PCDHB8: variants seen among roughly 807,000 people sequenced by gnomAD.
PCDHB8 encodes protocadherin beta-8.
For synonymous variants in PCDHB8, 385 were observed against 448.5 expected (o/e 0.86, Z 1.79); for missense variants, 836 against 1,004.0 (o/e 0.83, Z 2.26).
Position 141,180,076 on chromosome 5 carries a change from A to G in PCDHB8, c.2042A>G (p.Gln681Arg), listed in dbSNP as rs782736535. 2.5e-6 allele frequency: 4 copies of G among 1,609,778 alleles called. No individual in the cohort carries two copies. Among genetic ancestry groups the G allele is most frequent in the African/African-American group, 2.7e-5 (2 of 74,814 alleles). Residue 681 changes from glutamine (Q) to arginine (R), a missense_variant, in exon 1 of 1, where the codon CAG becomes CGG. Coordinates refer to ENST00000239444, the MANE Select transcript of PCDHB8 (RefSeq NM_019120.5). ...YLPLPEAAPAQGQADSLTVYL... is the reference protein window; with the variant it reads ...YLPLPEAAPARGQADSLTVYL... ...CCGCTTCCGGAGGCTGCCCCAGCCC[A>G]GGGCCAGGCCGACTCTCTCACCGTC...
rs139746961 is a variant in PCDHB8, at chr5:141,178,046, C to T, written c.12C>T (p.Ser4=). 4,666 of 1,612,668 alleles carry T rather than the reference C, an allele frequency of 2.9e-3. 53 individuals carry two copies. The highest frequency in any genetic ancestry group is 0.019 in the South Asian group (1,771 of 90,856). ...ATTCAGCAAGAACAATGGAGGCCAG[C>T]GGGAAGCTCATTTGCAGACAAAGGC... The part of the protein sequence containing the change: MEA[S]GKLICRQRQV... The change falls in exon 1 of 1, where the codon AGC becomes AGT. Residue 4 remains serine (S), a synonymous_variant. Transcript: ENST00000239444.
rs534081801 is a variant in PCDHB8, at chr5:141,178,782, G to T, written c.748G>T (p.Val250Leu). 5.0e-6 allele frequency: 8 copies of T among 1,614,034 alleles called. No homozygotes were observed. In the African/African-American group the frequency reaches 1.1e-4, roughly 22 times the overall value. The part of the protein sequence containing the change: ...APEFEQPFYR[V>L]QISEDSPISF... ...TGAATTTGAGCAGCCTTTCTATAGGGTGCAGATCTCTGAGGACAGTCCAAT... is the reference window on the plus strand; with the variant it reads ...TGAATTTGAGCAGCCTTTCTATAGGTTGCAGATCTCTGAGGACAGTCCAAT... The change falls in exon 1 of 1, where the codon GTG becomes TTG. Residue 250 changes from valine to leucine, a missense_variant. Val to Leu is a conservative substitution (Grantham distance 32, BLOSUM62 1). Transcript: ENST00000239444.
rs782376191 is a variant in PCDHB8 at position 141,178,557 on chromosome 5, C to T, written c.523C>T (p.Pro175Ser). ...QNNIENYIIS[P>S]NSYFRVLTRK... ...CAATATTGAGAACTATATAATCAGC[C>T]CCAACTCCTATTTTCGGGTCCTCAC... The change falls in exon 1 of 1, where the codon CCC becomes TCC. Residue 175 changes from proline to serine, a missense_variant. Physicochemically the swap from Pro to Ser is moderately conservative, Grantham distance 74 (BLOSUM62 -1). Transcript: ENST00000239444. 1 of 1,613,952 alleles carries T rather than the reference C, an allele frequency of 6.2e-7. No homozygotes were observed. Among genetic ancestry groups the T allele is most frequent in the African/African-American group, 1.3e-5 (1 of 74,858 alleles).
chr5:141,179,514 C>T lies in PCDHB8; in HGVS notation c.1480C>T (p.Pro494Ser), dbSNP rs782555772. The T allele has an allele frequency of 1.2e-6, 2 of 1,613,650 alleles. No individual in the cohort carries two copies. The highest frequency in any genetic ancestry group is 2.2e-5 in the East Asian group (1 of 44,870). Residue 494 changes from proline to serine, a missense_variant, in exon 1 of 1, where the codon CCC (proline) becomes TCC (serine). Pro to Ser is a moderately conservative substitution (Grantham distance 74). Transcript: ENST00000239444. Reference protein sequence around the residue: ...NAQVTYSLLPPQDPHLPLASL... With the variant: ...NAQVTYSLLPSQDPHLPLASL... ...CCAGGTCACCTACTCGCTGCTGCCG[C>T]CCCAGGATCCGCACCTGCCCCTCGC...
chr5:141,180,116 G>T lies in PCDHB8; in HGVS notation c.2082G>T (p.Ala694=). 1 of 1,610,888 alleles carries T rather than the reference G, an allele frequency of 6.2e-7. No homozygotes were observed. The highest frequency in any genetic ancestry group is 8.5e-7 in the Non-Finnish European group (1 of 1,179,864). ...CTCTCACCGTCTACCTGGTGGTGGCGTTGGCCTCGGTGTCTTCGCTCTTCC... is the reference window on the plus strand; with the variant it reads ...CTCTCACCGTCTACCTGGTGGTGGCTTTGGCCTCGGTGTCTTCGCTCTTCC... ...ADSLTVYLVV[A]LASVSSLFLF... is the part of the protein sequence containing the mutation. The change falls in exon 1 of 1, where the codon GCG becomes GCT. Residue 694 remains alanine (A), a synonymous_variant. Coordinates refer to ENST00000239444, the MANE Select transcript of PCDHB8 (RefSeq NM_019120.5).
At position 141,179,316 on chromosome 5, in the gene PCDHB8, G is replaced by A. The variant is rs1347672147; in HGVS notation, c.1282G>A (p.Gly428Arg). The A allele has an allele frequency of 6.2e-7, 1 of 1,614,224 alleles. No homozygotes were observed. Among genetic ancestry groups the A allele is most frequent in the African/African-American group, 1.3e-5 (1 of 75,038 alleles). ...CGTCACTATCACCGTCACTGACTTA[G>A]GGACACCCAGGCTGACAACACATCT... ...YNVTITVTDL[G>R]TPRLTTHLNM... The change falls in exon 1 of 1, where the codon GGG becomes AGG. Residue 428 changes from glycine (G) to arginine (R), a missense_variant. Transcript: ENST00000239444.
Position 141,180,375 on chromosome 5 carries a change from G to C in PCDHB8, c.2341G>C (p.Gly781Arg). Residue 781 changes from glycine to arginine, a missense_variant, in exon 1 of 1, where the codon GGG (glycine) becomes CGG (arginine). Transcript: ENST00000239444. The stretch of plus-strand genomic sequence containing the variant: ...ACCTAATATTCAGGGCCATTCTTTT[G>C]GGCCAGAAATGGAACAAAACTCTAA... ...VLPNIQGHSF[G>R]PEMEQNSNFR... 6.2e-7 allele frequency: 1 copy of C among 1,612,678 alleles called. No individual in the cohort carries two copies. The highest frequency in any genetic ancestry group is 1.1e-5 in the South Asian group (1 of 91,026).
rs1554281502 is a variant in PCDHB8 at position 141,180,023 on chromosome 5, G to T, written c.1989G>T (p.Leu663=). Residue 663 remains leucine, a synonymous_variant, in exon 1 of 1, where the codon CTG becomes CTT. Transcript: ENST00000239444. ...CSATATLHVL[L]VDGFSQPYLP... Reference sequence around the variant, plus strand: ...CCACCGCCACGCTGCACGTGCTCCTGGTGGACGGCTTCTCCCAGCCCTACC... The same window carrying T: ...CCACCGCCACGCTGCACGTGCTCCTTGTGGACGGCTTCTCCCAGCCCTACC... 3.7e-6 allele frequency: 6 copies of T among 1,609,276 alleles called. No individual in the cohort carries two copies. The highest frequency in any genetic ancestry group is 1.1e-5 in the South Asian group (1 of 90,990).
chr5:141,179,419 G>T lies in PCDHB8; in HGVS notation c.1385G>T (p.Arg462Leu). Residue 462 changes from arginine to leucine, a missense_variant, in exon 1 of 1, where the codon CGC becomes CTC. Transcript: ENST00000239444. ...CAAACCTCCTACACCCTGTTCGTCCGCGAGAACAACAGCCCCGCCCTGCAC... is the reference window on the plus strand; with the variant it reads ...CAAACCTCCTACACCCTGTTCGTCCTCGAGAACAACAGCCCCGCCCTGCAC... ...FTQTSYTLFV[R>L]ENNSPALHIG... 1.2e-6 allele frequency: 2 copies of T among 1,614,144 alleles called. No homozygotes were observed. The highest frequency in any genetic ancestry group is 1.1e-5 in the South Asian group (1 of 91,088).
In PCDHB8 at chr5:141,180,391, A is replaced by G; in HGVS notation, c.2357A>G (p.Gln786Arg). Residue 786 changes from glutamine to arginine, a missense_variant, in exon 1 of 1, where the codon CAA becomes CGA. By Grantham distance (43) the Gln-to-Arg change is conservative (BLOSUM62 1). Coordinates refer to ENST00000239444, the MANE Select transcript of PCDHB8 (RefSeq NM_019120.5). ...QGHSFGPEME[Q>R]NSNFRNGFGF... ...CATTCTTTTGGGCCAGAAATGGAAC[A>G]AAACTCTAACTTTAGGAATGGCTTT... 6.2e-7 allele frequency: 1 copy of G among 1,608,586 alleles called. No homozygotes were observed. Among genetic ancestry groups the G allele is most frequent in the Non-Finnish European group, 8.5e-7 (1 of 1,175,382 alleles).
rs2149658842 is a variant in PCDHB8, at chr5:141,180,321, A to C, written c.2287A>C (p.Asn763His). 6.2e-7 allele frequency: 1 copy of C among 1,614,014 alleles called. No individual in the cohort carries two copies. The highest frequency in any genetic ancestry group is 1.1e-5 in the South Asian group (1 of 91,074). ...EVCLAGGSGTNEFQLLKPVLP... is the reference protein window; with the variant it reads ...EVCLAGGSGTHEFQLLKPVLP... ...GTGCCTGGCAGGAGGCTCAGGGACG[A>C]ATGAGTTCCAGCTCCTGAAACCAGT... The change falls in exon 1 of 1, where the codon AAT becomes CAT. Residue 763 changes from asparagine (N) to histidine (H), a missense_variant. Coordinates refer to ENST00000239444, the MANE Select transcript of PCDHB8 (RefSeq NM_019120.5).
At position 141,178,551 on chromosome 5, in the gene PCDHB8, A is replaced by C. The variant is rs1256297939; in HGVS notation, c.517A>C (p.Ile173Leu). Residue 173 changes from isoleucine (I) to leucine (L), a missense_variant, in exon 1 of 1, where the codon ATC becomes CTC. Ile to Leu is a conservative substitution (Grantham distance 5, BLOSUM62 2). Transcript: ENST00000239444. ...IGQNNIENYI[I>L]SPNSYFRVLT... Reference sequence around the variant, plus strand: ...CCAAAACAATATTGAGAACTATATAATCAGCCCCAACTCCTATTTTCGGGT... The same window carrying C: ...CCAAAACAATATTGAGAACTATATACTCAGCCCCAACTCCTATTTTCGGGT... The C allele has an allele frequency of 1.2e-6, 2 of 1,614,070 alleles. No homozygotes were observed. The highest frequency in any genetic ancestry group is 1.7e-6 in the Non-Finnish European group (2 of 1,180,060).
rs782370861 is a variant in PCDHB8 at position 141,179,685 on chromosome 5, C to G, written c.1651C>G (p.Leu551Val). ...GAGCAGCGAGGCGCTGGTGCGCGTGCTGGTGCTGGACGCCAACGACAACTC... is the reference window on the plus strand; with the variant it reads ...GAGCAGCGAGGCGCTGGTGCGCGTGGTGGTGCTGGACGCCAACGACAACTC... ...ALSSEALVRV[L>V]VLDANDNSPF... The change falls in exon 1 of 1, where the codon CTG (leucine) becomes GTG (valine). Residue 551 changes from leucine (L) to valine (V), a missense_variant. Physicochemically the swap from Leu to Val is conservative, Grantham distance 32 (BLOSUM62 1). Coordinates refer to ENST00000239444, the MANE Select transcript of PCDHB8 (RefSeq NM_019120.5). The G allele has an allele frequency of 5.7e-5, 92 of 1,612,230 alleles. No individual in the cohort carries two copies. The highest frequency in any genetic ancestry group is 7.0e-5 in the Non-Finnish European group (83 of 1,179,848).
rs1246690217 is a variant in PCDHB8 at position 141,180,226 on chromosome 5, G to A, written c.2192G>A (p.Gly731Asp). The A allele has an allele frequency of 1.3e-5, 21 of 1,613,280 alleles. No individual in the cohort carries two copies. The highest frequency in any genetic ancestry group is 2.2e-5 in the East Asian group (1 of 44,874). Residue 731 changes from glycine (G) to aspartate (D), a missense_variant, in exon 1 of 1, where the codon GGC becomes GAC. By Grantham distance (94) the Gly-to-Asp change is moderately conservative (BLOSUM62 -1). Transcript: ENST00000239444. ...GTGGGTCGCTGCTCAGTGCCTGAGGGCCCCTTTCCAGGGCATCTGGTGGAC... is the reference window on the plus strand; with the variant it reads ...GTGGGTCGCTGCTCAGTGCCTGAGGACCCCTTTCCAGGGCATCTGGTGGAC... The part of the protein sequence containing the change: ...ASVGRCSVPE[G>D]PFPGHLVDVR...
rs17844496 is a variant in PCDHB8, at chr5:141,179,486, C to T, written c.1452C>T (p.Asn484=). 6.2e-7 allele frequency: 1 copy of T among 1,613,538 alleles called. No individual in the cohort carries two copies. Among genetic ancestry groups the T allele is most frequent in the Non-Finnish European group, 8.5e-7 (1 of 1,179,996 alleles). The change falls in exon 1 of 1, where the codon AAC becomes AAT. Residue 484 remains asparagine, a synonymous_variant. Coordinates refer to ENST00000239444, the MANE Select transcript of PCDHB8 (RefSeq NM_019120.5). The stretch of plus-strand genomic sequence containing the variant: ...CCACAGACAGAGACTCGGGCACCAA[C>T]GCCCAGGTCACCTACTCGCTGCTGC... ...VSATDRDSGT[N]AQVTYSLLPP...
rs1554281683 is a variant in PCDHB8 at position 141,180,286 on chromosome 5, A to T, written c.2252A>T (p.Gln751Leu). 6.2e-7 allele frequency: 1 copy of T among 1,613,948 alleles called. No homozygotes were observed. ...RGTGSLSQNY[Q>L]YEVCLAGGSG... ...ACCGGGAGCCTGTCTCAGAACTATC[A>T]GTACGAGGTGTGCCTGGCAGGAGGC... Residue 751 changes from glutamine to leucine, a missense_variant, in exon 1 of 1, where the codon CAG (glutamine) becomes CTG (leucine). Coordinates refer to ENST00000239444, the MANE Select transcript of PCDHB8 (RefSeq NM_019120.5).
In PCDHB8 at chr5:141,180,289, A is replaced by G. The variant is rs868961746; in HGVS notation, c.2255A>G (p.Tyr752Cys). 13 of 1,613,924 alleles carry G rather than the reference A, an allele frequency of 8.1e-6. No individual in the cohort carries two copies. Among genetic ancestry groups the G allele is most frequent in the African/African-American group, 6.7e-5 (5 of 74,916 alleles). Reference sequence around the variant, plus strand: ...GGGAGCCTGTCTCAGAACTATCAGTACGAGGTGTGCCTGGCAGGAGGCTCA... The same window carrying G: ...GGGAGCCTGTCTCAGAACTATCAGTGCGAGGTGTGCCTGGCAGGAGGCTCA... ...GTGSLSQNYQ[Y>C]EVCLAGGSGT... is the part of the protein sequence containing the mutation. Residue 752 changes from tyrosine (Y) to cysteine (C), a missense_variant, in exon 1 of 1, where the codon TAC becomes TGC. Physicochemically the swap from Tyr to Cys is radical, Grantham distance 194. Coordinates refer to ENST00000239444, the MANE Select transcript of PCDHB8 (RefSeq NM_019120.5).
chr5:141,180,164 GGCGGT>G lies in PCDHB8; in HGVS notation c.2133_2137del (p.Val712AlafsTer3). ...TCCTCTTCTCGGTGCTCCTGTTCGT[GGCGGT>G]GCTGCTGTGTAGGAGGAGCAGGGCG... On this transcript the variant is annotated frameshift_variant, in exon 1 of 1. Coordinates refer to ENST00000239444, the MANE Select transcript of PCDHB8 (RefSeq NM_019120.5). LOFTEE classifies it low-confidence loss of function (END_TRUNC). 1 of 1,612,344 alleles carries G rather than the reference GGCGGT, an allele frequency of 6.2e-7. No homozygotes were observed. The highest frequency in any genetic ancestry group is 8.5e-7 in the Non-Finnish European group (1 of 1,179,926).
In PCDHB8 at chr5:141,179,302, C is replaced by A. The variant is rs782761626; in HGVS notation, c.1268C>A (p.Thr423Asn). Residue 423 changes from threonine to asparagine, a missense_variant, in exon 1 of 1, where the codon ACC (threonine) becomes AAC (asparagine). Thr to Asn is a moderately conservative substitution (Grantham distance 65). Coordinates refer to ENST00000239444, the MANE Select transcript of PCDHB8 (RefSeq NM_019120.5). The stretch of plus-strand genomic sequence containing the variant: ...AGAGCCGAGTACAACGTCACTATCA[C>A]CGTCACTGACTTAGGGACACCCAGG... ...ESRAEYNVTI[T>N]VTDLGTPRLT... 1.2e-6 allele frequency: 2 copies of A among 1,614,266 alleles called. No homozygotes were observed. The highest frequency in any genetic ancestry group is 1.7e-5 in the Admixed American group (1 of 60,036).
Sources: allele counts gnomAD v4.1 joint callset, GRCh38; gene constraint gnomAD v4.1.1; transcripts MANE v1.5; gene names NCBI Gene and HGNC (gene_info 2026-07-23, HGNC 2026-07-21).